The following IER3IP1 variants were observed in gnomAD, a reference collection of about 807,000 sequenced individuals.
The protein encoded by IER3IP1 is immediate early response 3-interacting protein 1.
Under a neutral mutation model 12.2 loss-of-function variants are expected in IER3IP1, and 16 were observed. The observed-to-expected ratio is 1.31, with a 90% CI of 0.89 to 1.99. The LOEUF (loss-of-function observed/expected upper bound fraction) is 1.99, where lower values mean the gene tolerates loss of function less well. Ranked by LOEUF, IER3IP1 falls within the 30% of genes most tolerant of loss-of-function variation. The pLI is 0.00. For synonymous variants in IER3IP1, 42 were observed against 40.0 expected, an observed-to-expected ratio of 1.05 and a Z score of -0.19; for missense variants, 95 against 95.8, an observed-to-expected ratio of 0.99 and a Z score of 0.03.
intron 1 of IER3IP1, among the ~76,000 whole-genome samples, chr18:47,168,000 C>T (rs1164056683): frequency 6.6e-6 from 1 of 151,796 alleles, no homozygotes; most frequent in African/African-American, 2.4e-5. Flanking sequence ...GGCGGCAGCA[C>T]CTGTAGTCCC....
intron 1 of IER3IP1, among the ~76,000 whole-genome samples, chr18:47,168,731 A>G (rs1177651234): frequency 6.6e-6 from 1 of 152,216 alleles, no homozygotes; most frequent in Non-Finnish European, 1.5e-5. Flanking sequence ...ATTTATGAGC[A>G]TTTGTATAAG....
intron 2 of IER3IP1, 42 bp downstream of exon 2, chr18:47,157,394 A>G (rs193273082): frequency 6.5e-7 from 1 of 1,547,400 alleles, no homozygotes; most frequent in Admixed American, 1.7e-5. Context: ...CTTAAACCAC[A>G]ACATTAAAAC....
intron 2 of IER3IP1, chr18:47,156,790 G>GTTTTTTTTTTTTTTTTTTTTTTTCTGT (rs34039061): frequency 9.7e-6 from 1 of 102,914 alleles, no homozygotes; most frequent in Non-Finnish European, 1.9e-5. Context: ...TTCTTTTCTG[G>GTTTTTTTTTTTTTTTTTTTTTTTCTGT]TTTTTTTTTT....
At chr18:47,163,034 A>T (rs1254713356) in intron 1 of IER3IP1, among the ~76,000 whole-genome samples, 1 of 152,020 alleles carries the variant, frequency 6.6e-6, no homozygotes, top group Non-Finnish European at 1.5e-5. Flanking sequence ...TGGGGCATAT[A>T]CTCCAAGATC....
chr18:47,161,141 A>G (rs1041805907), intron 1 of IER3IP1, among the ~76,000 whole-genome samples: 1 of 152,204 alleles, frequency 6.6e-6, no homozygotes, highest in Non-Finnish European at 1.5e-5. Flanking sequence ...GTTTTTTTAA[A>G]TAGATATACC....
At chr18:47,162,910 A>G (rs560155176) in intron 1 of IER3IP1, among the ~76,000 whole-genome samples, 23 of 152,238 alleles carry the variant, frequency 1.5e-4, no homozygotes, top group Middle Eastern at 3.4e-3. Flanking sequence ...TTTACCATTC[A>G]GCTATGAGCA....
intron 1 of IER3IP1, among the ~76,000 whole-genome samples, chr18:47,168,972 T>C (rs374579499): frequency 6.6e-6 from 1 of 152,224 alleles, no homozygotes; most frequent in Non-Finnish European, 1.5e-5. Flanking sequence ...TATAATTAAA[T>C]GGTTTGAAGT....
At chr18:47,168,313 A>G (rs2064003772) in intron 1 of IER3IP1, among the ~76,000 whole-genome samples, 1 of 150,958 alleles carries the variant, frequency 6.6e-6, no homozygotes, top group Non-Finnish European at 1.5e-5. Flanking sequence ...AAAAAAAAAA[A>G]AAAAAGACAA....
At chr18:47,171,703 C>CT (rs569993715) in intron 1 of IER3IP1, among the ~76,000 whole-genome samples, 52 of 151,044 alleles carry the variant, frequency 3.4e-4, no homozygotes, top group Admixed American at 1.2e-3. Context: ...CTTCCTTTTG[C>CT]TTTTTTTTTG....
rs541376804 is a variant in IER3IP1, at chr18:47,173,600, T to C, written c.91+2587A>G. Reference sequence around the variant, plus strand: ...CTCAAGTGATCTGCCCACCTTGGCCTCCTAAAGTGCTAGGCATGAGCCACC... The same window carrying C: ...CTCAAGTGATCTGCCCACCTTGGCCCCCTAAAGTGCTAGGCATGAGCCACC... On this transcript the variant is annotated intron_variant, in intron 1 of 2. Transcript: ENST00000256433. 5.3e-5 allele frequency among the ~76,000 whole-genome samples: 8 copies of C among 152,318 alleles called. No homozygotes were observed. In the South Asian group the frequency reaches 1.4e-3, roughly 28 times the overall value.
intron 1 of IER3IP1, among the ~76,000 whole-genome samples, chr18:47,165,530 G>C (rs2063993447): frequency 6.7e-6 from 1 of 148,396 alleles, no homozygotes; most frequent in African/African-American, 2.5e-5. Context: ...TCCAGCCTGG[G>C]GGACAGAACA....
intron 1 of IER3IP1, among the ~76,000 whole-genome samples, chr18:47,174,400 A>G (rs929803168): frequency 2.8e-4 from 42 of 152,202 alleles, no homozygotes; most frequent in African/African-American, 8.4e-4. Flanking sequence ...ACTTGTATCT[A>G]CTTGCCCTAT....
In IER3IP1 at chr18:47,157,454, C is replaced by T. The variant is rs201912542; in HGVS notation, c.175G>A (p.Val59Ile). 7.4e-6 allele frequency: 12 copies of T among 1,613,804 alleles called. No homozygotes were observed. Among genetic ancestry groups the T allele is most frequent in the Non-Finnish European group, 1.0e-5 (12 of 1,179,834 alleles). Residue 59 changes from valine to isoleucine, a missense_variant, in exon 2 of 3, where the codon GTA becomes ATA. Physicochemically the swap from Val to Ile is conservative, Grantham distance 29 (BLOSUM62 3). Transcript: ENST00000256433. ...KSQLMNLIRS[V>I]RTVMRVPLII... ...TTCTTACCTCTCATCACGGTTCTTA[C>T]AGATCGAATAAGGTTCATTAGCTGT...
chr18:47,175,741 G>C (rs1188640044), intron 1 of IER3IP1, among the ~76,000 whole-genome samples: 1 of 151,912 alleles, frequency 6.6e-6, no homozygotes, highest in Non-Finnish European at 1.5e-5. Context: ...GATTACAGGC[G>C]GGAGCCACCG....
intron 2 of IER3IP1, 150 bp downstream of exon 2, chr18:47,157,286 A>C (rs1280970798): frequency 1.2e-5 from 8 of 658,264 alleles, no homozygotes; most frequent in East Asian, 1.1e-4. Flanking sequence ...AAAAAAAAAA[A>C]AAACCCAGTA....
chr18:47,169,428 G>A (rs1282370734), intron 1 of IER3IP1, among the ~76,000 whole-genome samples: 3 of 152,174 alleles, frequency 2.0e-5, no homozygotes, highest in Admixed American at 6.5e-5. Flanking sequence ...GGTATACCTA[G>A]GAGTAGAATC....
chr18:47,169,999 A>G (rs970518265), intron 1 of IER3IP1, among the ~76,000 whole-genome samples: 4 of 152,102 alleles, frequency 2.6e-5, no homozygotes, highest in African/African-American at 9.7e-5. Context: ...AGATGGTTTT[A>G]CCCAACCAAA....
chr18:47,164,935 A>C (rs2063991415), intron 1 of IER3IP1, among the ~76,000 whole-genome samples: 1 of 152,212 alleles, frequency 6.6e-6, no homozygotes, highest in Admixed American at 6.5e-5. Flanking sequence ...AAAGTTACTG[A>C]CTGCAACCAC....
Position 47,157,231 on chromosome 18 carries a change from A to G in IER3IP1, c.193+205T>C, listed in dbSNP as rs576210128. On this transcript the variant is annotated intron_variant, in intron 2 of 2. Coordinates refer to ENST00000256433, the MANE Select transcript of IER3IP1 (RefSeq NM_016097.5). ...TTATATGTATTATACTAAGCATTCT[A>G]TTTGTACCAACTGGCTTAGATAGAA... The G allele has an allele frequency of 5.5e-5, 33 of 600,666 alleles. No homozygotes were observed. The South Asian group carries it at 6.5e-4, about 12-fold the overall frequency. 37.2% of individuals were successfully genotyped at this position (600,666 alleles called of 1,614,324 possible).
Sources: allele counts gnomAD v4.1 joint callset (sites outside exome capture counted in the v4.1 genomes callset), GRCh38; gene constraint gnomAD v4.1.1; transcripts MANE v1.5; gene names NCBI Gene and HGNC (gene_info 2026-07-23, HGNC 2026-07-21).